PDE4B: variants seen among roughly 807,000 people sequenced by gnomAD.
PDE4B encodes 3',5'-cyclic-AMP phosphodiesterase 4B.
A neutral mutation model predicts 82.2 loss-of-function variants in PDE4B; 20 were observed. The ratio of observed to expected loss-of-function variants is 0.24; its 90% CI spans 0.17 to 0.35. The LOEUF is 0.35. PDE4B is among the 10% of genes least tolerant of loss of function. The probability of loss-of-function intolerance (pLI) is 1.00; values close to 1 mark genes in which losing one functional copy is unlikely to be tolerated. For synonymous variants in PDE4B, 320 were observed against 318.9 expected, an observed-to-expected ratio of 1.00 and a Z score of -0.04; for missense variants, 655 against 907.2, an observed-to-expected ratio of 0.72 and a Z score of 3.57.
chr1:65,846,060 C>T (rs1185670153), intron 1 of PDE4B, among the ~76,000 whole-genome samples: 2 of 152,174 alleles, frequency 1.3e-5, no homozygotes, highest in African/African-American at 4.8e-5. Flanking sequence ...GTTCACATAT[C>T]TTTCAAACTT....
At chr1:66,130,035 T>C (rs1645907856) in intron 3 of PDE4B, among the ~76,000 whole-genome samples, 1 of 152,230 alleles carries the variant, frequency 6.6e-6, no homozygotes, top group African/African-American at 2.4e-5. Context: ...TAACCCTAAT[T>C]CTACAAATCC....
chr1:66,122,559 G>A (rs369436281), intron 3 of PDE4B, among the ~76,000 whole-genome samples: 7 of 152,092 alleles, frequency 4.6e-5, no homozygotes, highest in African/African-American at 9.7e-5. Flanking sequence ...ACATGTAACC[G>A]TAAGATCACT....
intron 3 of PDE4B, among the ~76,000 whole-genome samples, chr1:65,954,636 T>G (rs1483312640): frequency 1.3e-5 from 2 of 152,056 alleles, no homozygotes; most frequent in Non-Finnish European, 2.9e-5. Context: ...TTACTTAAGT[T>G]TCTTTTTTCC....
At chr1:66,245,999 A>G (rs1413488037) in intron 3 of PDE4B, among the ~76,000 whole-genome samples, 2 of 152,110 alleles carry the variant, frequency 1.3e-5, no homozygotes, top group Non-Finnish European at 2.9e-5. Flanking sequence ...CTCTTTATGT[A>G]CCAAATTACT....
rs192125339 is a variant in PDE4B at position 65,981,826 on chromosome 1, T to C, written c.281+62991T>C. 5.3e-5 allele frequency among the ~76,000 whole-genome samples: 8 copies of C among 152,308 alleles called. No homozygotes were observed. In the East Asian group the frequency reaches 1.4e-3, roughly 26 times the overall value. The stretch of plus-strand genomic sequence containing the variant: ...TCTCTTAGTTCCCAGTGGTTCTCTC[T>C]TTCTCTTTCTGCCTTCCCCCCAAGA... On this transcript the variant is annotated intron_variant, in intron 3 of 16. Transcript: ENST00000341517.
At chr1:66,361,895 A>T in intron 10 of PDE4B, 102 bp downstream of exon 10, 1 of 947,680 alleles carries the variant, frequency 1.1e-6, no homozygotes, top group Non-Finnish European at 1.5e-6. Flanking sequence ...TTGCATTATT[A>T]TTACATTTTG....
intron 7 of PDE4B, among the ~76,000 whole-genome samples, chr1:66,324,028 A>G (rs568373723): frequency 6.6e-6 from 1 of 152,316 alleles, no homozygotes; most frequent in South Asian, 2.1e-4. Context: ...GGATGAGAAC[A>G]GATTCTCGTT....
At chr1:66,083,870 GTAT>G (rs746268143) in intron 3 of PDE4B, among the ~76,000 whole-genome samples, 31 of 151,978 alleles carry the variant, frequency 2.0e-4, no homozygotes, top group Non-Finnish European at 1.2e-4. Context: ...GTATCATATG[GTAT>G]TATTCTGTAT....
chr1:65,863,235 T>C (rs1646474705), intron 1 of PDE4B, among the ~76,000 whole-genome samples: 1 of 152,232 alleles, frequency 6.6e-6, no homozygotes, highest in African/African-American at 2.4e-5. Context: ...ATAACTTCTT[T>C]ATTTCTTCCT....
chr1:66,210,615 A>AG (rs1557636685), intron 3 of PDE4B, among the ~76,000 whole-genome samples: 1 of 148,488 alleles, frequency 6.7e-6, no homozygotes, highest in Non-Finnish European at 1.5e-5. Context: ...AAAAAAAAAA[A>AG]AAAAGAAAAA....
chr1:66,348,338 C>G (rs1253582207), intron 8 of PDE4B, among the ~76,000 whole-genome samples: 1 of 152,098 alleles, frequency 6.6e-6, no homozygotes, highest in Admixed American at 6.6e-5. Context: ...TTTTTGTCAT[C>G]TGTTGAAAAA....
chr1:65,987,619 AT>A lies in PDE4B; in HGVS notation c.281+68793del, dbSNP rs559536928. On this transcript the variant is annotated intron_variant, in intron 3 of 16. Coordinates refer to ENST00000341517, the MANE Select transcript of PDE4B (RefSeq NM_002600.4). ...TGCAATTTTATTTTTTGATTTATTT[AT>A]TTTTTTTTGAGATGGAGTCTCACTG... 2.0e-5 allele frequency among the ~76,000 whole-genome samples: 3 copies of A among 151,056 alleles called. No individual in the cohort carries two copies. In the South Asian group the frequency reaches 6.3e-4, roughly 32 times the overall value.
At chr1:66,081,824 CTCTCTCTCTGTGTG>C (rs1399477453) in intron 3 of PDE4B, among the ~76,000 whole-genome samples, 35 of 111,924 alleles carry the variant, frequency 3.1e-4, no homozygotes, top group African/African-American at 9.7e-4. Context: ...CTCTCTCTCT[CTCTCTCTCTGTGTG>C]TGTGTGTGTG....
intron 16 of PDE4B, among the ~76,000 whole-genome samples, chr1:66,371,118 ATATATATATATATAT>A (rs1312174839): frequency 5.5e-4 from 75 of 136,590 alleles, no homozygotes; most frequent in African/African-American, 2.0e-3. Flanking sequence ...ATATATATAT[ATATATATATATATAT>A]AATTTTATTT....
chr1:66,189,304 A>T (rs1647510623), intron 3 of PDE4B, among the ~76,000 whole-genome samples: 1 of 151,996 alleles, frequency 6.6e-6, no homozygotes, highest in Non-Finnish European at 1.5e-5. Flanking sequence ...TCTGACAATT[A>T]TATGTCTTGG....
At chr1:66,281,700 C>T (rs897788161) in intron 7 of PDE4B, among the ~76,000 whole-genome samples, 6 of 152,230 alleles carry the variant, frequency 3.9e-5, no homozygotes, top group African/African-American at 1.4e-4. Flanking sequence ...AAATACAAGG[C>T]ATGGGGGAGG....
chr1:65,936,371 A>T (rs565692049), intron 3 of PDE4B, among the ~76,000 whole-genome samples: 1 of 152,346 alleles, frequency 6.6e-6, no homozygotes, highest in Non-Finnish European at 1.5e-5. Context: ...CAAGCACGTG[A>T]GTAATGCTAC....
chr1:66,027,247 C>A lies in PDE4B; in HGVS notation c.281+108412C>A, dbSNP rs568748165. Among the ~76,000 whole-genome samples, 6 of 152,132 alleles carry A rather than the reference C, an allele frequency of 3.9e-5. No homozygotes were observed. In the East Asian group the frequency reaches 1.2e-3, roughly 29 times the overall value. ...GAAAAAGGCACTTCTTACATGGCAGCAACAAGAGAAAAATGAGGAAGAAGC... is the reference window on the plus strand; with the variant it reads ...GAAAAAGGCACTTCTTACATGGCAGAAACAAGAGAAAAATGAGGAAGAAGC... On this transcript the variant is annotated intron_variant, in intron 3 of 16. Transcript: ENST00000341517.
chr1:66,302,804 G>A (rs752720418), intron 7 of PDE4B, among the ~76,000 whole-genome samples: 43 of 152,056 alleles, frequency 2.8e-4, no homozygotes, highest in African/African-American at 8.7e-4. Flanking sequence ...TGAGATGATC[G>A]ACAATTAATT....
Sources: allele counts gnomAD v4.1 joint callset (sites outside exome capture counted in the v4.1 genomes callset), GRCh38; gene constraint gnomAD v4.1.1; transcripts MANE v1.5; gene names NCBI Gene and HGNC (gene_info 2026-07-23, HGNC 2026-07-21).